The following TBC1D30 variants were observed in gnomAD, a reference collection of about 807,000 sequenced individuals.
The protein encoded by TBC1D30 is TBC1 domain family member 30, also known as TBC1 domain family, member 30.
A neutral mutation model predicts 63.2 loss-of-function variants in TBC1D30; 31 were observed. The ratio of observed to expected loss-of-function variants is 0.49; its 90% CI spans 0.37 to 0.66. The LOEUF is 0.66. Among genes scored for constraint, TBC1D30 ranks in the 30% least tolerant of loss-of-function variants. The pLI is 0.00. For synonymous variants in TBC1D30, 307 were observed against 361.5 expected (o/e 0.85, Z 1.71); for missense variants, 810 against 953.6 (o/e 0.85, Z 1.98).
At chr12:64,870,003 A>G (rs1018126734) in intron 10 of TBC1D30, among the ~76,000 whole-genome samples, 1 of 152,214 alleles carries the variant, frequency 6.6e-6, no homozygotes, top group Non-Finnish European at 1.5e-5. Context: ...TATTTAAGAG[A>G]CAAATCTGCT....
At chr12:64,780,337 A>G (rs1871200510), upstream of TBC1D30, among the ~76,000 whole-genome samples, 2 of 152,360 alleles carry the variant, frequency 1.3e-5, no homozygotes, top group Admixed American at 6.5e-5. Context: ...GCCTGGGCCT[A>G]TTGATGGGCG....
exon 1 of TBC1D30, chr12:64,759,555 A>G (rs1253547468): frequency 2.6e-6 from 1 of 379,572 alleles, no homozygotes; most frequent in East Asian, 6.4e-5. Flanking sequence ...GGAGAACCGG[A>G]GAAAAGGGCG....
At chr12:64,810,409 C>T (rs1182084383) in intron 2 of TBC1D30, among the ~76,000 whole-genome samples, 1 of 152,184 alleles carries the variant, frequency 6.6e-6, no homozygotes, top group Non-Finnish European at 1.5e-5. Flanking sequence ...TTGAGGCCAG[C>T]CTGGCCAACA....
chr12:64,849,885 T>C (rs968240164), intron 8 of TBC1D30, among the ~76,000 whole-genome samples: 2 of 152,226 alleles, frequency 1.3e-5, no homozygotes, highest in Non-Finnish European at 2.9e-5. Flanking sequence ...TATCATGATA[T>C]TGATTCTTCC....
chr12:64,785,379 C>G (rs1256165079), intron 1 of TBC1D30, among the ~76,000 whole-genome samples: 1 of 151,738 alleles, frequency 6.6e-6, no homozygotes, highest in African/African-American at 2.4e-5. Context: ...AACTCCTGAC[C>G]TCAGGTAATC....
chr12:64,780,978 A>G, exon 1 of TBC1D30: 1 of 1,054,788 alleles, frequency 9.5e-7, no homozygotes, highest in Non-Finnish European at 1.2e-6. Context: ...CGCTCCCGGG[A>G]CACGTGGGAC....
intron 11 of TBC1D30, 84 bp from the exon 12 acceptor site, chr12:64,874,917 G>A: frequency 2.3e-6 from 3 of 1,313,402 alleles, no homozygotes; most frequent in Non-Finnish European, 3.1e-6. Flanking sequence ...GACGGGGCTG[G>A]GAGGACCTCT....
rs1878263509 is a variant in TBC1D30, at chr12:64,866,861, T to C, written c.1249T>C (p.Phe417Leu). The change falls in exon 10 of 12, where the codon TTC (phenylalanine) becomes CTC (leucine). Residue 417 changes from phenylalanine to leucine, a missense_variant. Phe to Leu is a conservative substitution (Grantham distance 22). Around this residue, in one of 4 missense-constraint regions of TBC1D30, gnomAD observed 450 missense variants for 473.0 expected, o/e 0.95. Coordinates refer to ENST00000539867, the MANE Select transcript of TBC1D30 (RefSeq NM_015279.2). ...AVGCLGPFSG[F>L]LAPELQKYQK... ...GGGGTGTCTTGGACCTTTTAGTGGG[T>C]TCCTGGCTCCTGAACTGCAGAAGTA... The C allele has an allele frequency of 2.0e-5, 30 of 1,536,286 alleles. No individual in the cohort carries two copies. The highest frequency in any genetic ancestry group is 2.5e-5 in the Non-Finnish European group (29 of 1,146,946).
chr12:64,763,057 G>A (rs1488957160), intron 1 of TBC1D30, among the ~76,000 whole-genome samples: 3 of 152,160 alleles, frequency 2.0e-5, no homozygotes, highest in Non-Finnish European at 1.5e-5. Flanking sequence ...CCAGGTTCAA[G>A]CAATTCTCCT....
intron 1 of TBC1D30, among the ~76,000 whole-genome samples, chr12:64,760,460 G>A (rs1464568566): frequency 6.6e-6 from 1 of 152,096 alleles, no homozygotes; most frequent in Non-Finnish European, 1.5e-5. Context: ...CTACTCGGGA[G>A]GCTGAGGCAT....
At chr12:64,865,428 G>C (rs1475792886) in intron 9 of TBC1D30, among the ~76,000 whole-genome samples, 2 of 151,832 alleles carry the variant, frequency 1.3e-5, no homozygotes, top group East Asian at 3.9e-4. Flanking sequence ...ATAATTTTCT[G>C]GGTGACCCAA....
intron 1 of TBC1D30, among the ~76,000 whole-genome samples, chr12:64,768,006 G>A (rs1003627920): frequency 4.6e-5 from 7 of 152,062 alleles, no homozygotes; most frequent in African/African-American, 1.4e-4. Flanking sequence ...TAGGAACACT[G>A]ACCAGCCCAT....
In TBC1D30 at chr12:64,870,741, G is replaced by A. The variant is rs1363494801; in HGVS notation, c.1431G>A (p.Leu477=). 1 of 1,536,106 alleles carries A rather than the reference G, an allele frequency of 6.5e-7. No individual in the cohort carries two copies. The highest frequency in any genetic ancestry group is 8.7e-7 in the Non-Finnish European group (1 of 1,146,876). ...GCATGACCACAGATATCAATGCACT[G>A]AAGCGGCAGTACTCTCGAATTAAAA... ...MERMTTDINA[L]KRQYSRIKKK... The change falls in exon 11 of 12, where the codon CTG becomes CTA. Residue 477 remains leucine (L), a synonymous_variant. Transcript: ENST00000539867.
chr12:64,765,413 C>T (rs944085523), intron 1 of TBC1D30, among the ~76,000 whole-genome samples: 7 of 127,908 alleles, frequency 5.5e-5, no homozygotes, highest in African/African-American at 8.8e-5. Context: ...GGCGTGAACC[C>T]GGGAGGTGGA....
At chr12:64,772,469 G>A (rs183149107) in intron 1 of TBC1D30, among the ~76,000 whole-genome samples, 54 of 151,712 alleles carry the variant, frequency 3.6e-4, no homozygotes, top group African/African-American at 4.6e-4. Context: ...TCACTCTGTC[G>A]CCCAGGCTGG....
At chr12:64,780,998 G>C in exon 1 of TBC1D30, 1 of 1,044,536 alleles carries the variant, frequency 9.6e-7, no homozygotes, top group Non-Finnish European at 1.2e-6. Flanking sequence ...CGGCGATGAG[G>C]ACACGGAGCC....
intron 2 of TBC1D30, among the ~76,000 whole-genome samples, chr12:64,805,674 A>C (rs1319774327): frequency 5.3e-4 from 81 of 152,172 alleles, no homozygotes; most frequent in East Asian, 1.5e-3. Context: ...CTCTACTAAA[A>C]ATACAAAAAT....
Position 64,866,836 on chromosome 12 carries a change from G to A in TBC1D30, c.1224G>A (p.Val408=). Reference sequence around the variant, plus strand: ...ATGAGGATGCTGTCGTTAATGCAGTGGGGTGTCTTGGACCTTTTAGTGGGT... The same window carrying A: ...ATGAGGATGCTGTCGTTAATGCAGTAGGGTGTCTTGGACCTTTTAGTGGGT... The part of the protein sequence containing the change: ...PDDEDAVVNA[V]GCLGPFSGFL... Residue 408 remains valine, a synonymous_variant, in exon 10 of 12, where the codon GTG becomes GTA. Transcript: ENST00000539867. 9 of 1,536,374 alleles carry A rather than the reference G, an allele frequency of 5.9e-6. No homozygotes were observed. The highest frequency in any genetic ancestry group is 7.8e-6 in the Non-Finnish European group (9 of 1,146,964).
intron 5 of TBC1D30, among the ~76,000 whole-genome samples, chr12:64,833,410 A>G (rs1565665376): frequency 6.6e-6 from 1 of 152,210 alleles, no homozygotes; most frequent in Non-Finnish European, 1.5e-5. Flanking sequence ...GCTAATGCCT[A>G]TTTGCTTAAG....
Sources: allele counts gnomAD v4.1 joint callset (sites outside exome capture counted in the v4.1 genomes callset), GRCh38; gene constraint gnomAD v4.1.1; regional missense constraint gnomAD v4.1.1; transcripts MANE v1.5; gene names NCBI Gene and HGNC (gene_info 2026-07-23, HGNC 2026-07-21).